Variants in MYLK observed in about 807,000 individuals in gnomAD.
MYLK encodes the protein myosin light chain kinase, smooth muscle.
Under a neutral mutation model 203.4 loss-of-function variants are expected in MYLK, and 106 were observed. That is an observed-to-expected ratio of 0.52 (90% CI 0.45 to 0.61). The LOEUF (loss-of-function observed/expected upper bound fraction) is 0.61, where lower values mean the gene tolerates loss of function less well. Ranked by LOEUF, MYLK falls within the 20% of genes least tolerant of loss-of-function variation. MYLK has a pLI of 0.00. For missense variants in MYLK, 2,072 were observed against 2,442.3 expected, an observed-to-expected ratio of 0.85 and a Z score of 3.20; for synonymous variants, 867 against 959.5, an observed-to-expected ratio of 0.90 and a Z score of 1.78.
chr3:123,715,137 T>A (rs2061848268), intron 13 of MYLK, among the ~76,000 whole-genome samples: 1 of 152,228 alleles, frequency 6.6e-6, no homozygotes, highest in South Asian at 2.1e-4. Context: ...TCCTTGCCAT[T>A]TTGGCTGTTT....
At chr3:123,623,419 T>G (rs1347427820) in intron 31 of MYLK, 1 of 152,230 alleles carries the variant, frequency 6.6e-6, no homozygotes, top group East Asian at 1.9e-4. Flanking sequence ...CCAACATATC[T>G]TTGTAAAATT....
intron 2 of MYLK, among the ~76,000 whole-genome samples, chr3:123,875,717 T>A (rs764794133): frequency 6.6e-6 from 1 of 152,136 alleles, no homozygotes; most frequent in Non-Finnish European, 1.5e-5. Flanking sequence ...TGATGCAGCA[T>A]TGAAAAGAAA....
At chr3:123,765,531 AAAAAAAAAAAAAG>A (rs966798568) in intron 4 of MYLK, among the ~76,000 whole-genome samples, 3 of 143,240 alleles carry the variant, frequency 2.1e-5, no homozygotes, top group African/African-American at 7.7e-5. Context: ...ATTCCACCTC[AAAAAAAAAAAAAG>A]AAAGGAAAAA....
In MYLK at chr3:123,675,023, G is replaced by C. The variant is rs183757755; in HGVS notation, c.3652+7201C>G. On this transcript the variant is annotated intron_variant, in intron 20 of 33. Transcript: ENST00000360304. ...CCTGATAAATGGCCATTAAAGGAAT[G>C]AGTGAAACCCTCAAGGATTTCTGTT... Among the ~76,000 whole-genome samples, 13 of 152,380 alleles carry C rather than the reference G, an allele frequency of 8.5e-5. No homozygotes were observed. In the East Asian group the frequency reaches 2.5e-3, roughly 29 times the overall value.
Position 123,627,127 on chromosome 3 carries a change from A to AC in MYLK, c.5115-187dup, listed in dbSNP as rs1436307986. Among the ~76,000 whole-genome samples, 4 of 152,340 alleles carry AC rather than the reference A, an allele frequency of 2.6e-5. No homozygotes were observed. In the East Asian group the frequency reaches 7.7e-4, roughly 29 times the overall value. The stretch of plus-strand genomic sequence containing the variant: ...CCTTTCTCCTCACTTGGTCTGGGTC[A>AC]CACTAACCAGAACCAGCATGGGTTG... On this transcript the variant is annotated intron_variant, in intron 30 of 33. Transcript: ENST00000360304.
chr3:123,684,848 G>T lies in MYLK; in HGVS notation c.3566-2538C>A, dbSNP rs1305556754. Among the ~76,000 whole-genome samples, 10 of 152,348 alleles carry T rather than the reference G, an allele frequency of 6.6e-5. No homozygotes were observed. In the East Asian group the frequency reaches 1.7e-3, roughly 26 times the overall value. On this transcript the variant is annotated intron_variant, in intron 19 of 33. Coordinates refer to ENST00000360304, the MANE Select transcript of MYLK (RefSeq NM_053025.4). ...ACGGCACCCGGCCCTTCTTAAGGAA[G>T]AGGAGTACAGGGCAGACTATGTATG...
At chr3:123,673,677 T>C (rs1471392971) in intron 20 of MYLK, among the ~76,000 whole-genome samples, 1 of 152,208 alleles carries the variant, frequency 6.6e-6, no homozygotes, top group East Asian at 1.9e-4. Flanking sequence ...GCTCACTAAC[T>C]AGTTTCCTCT....
Position 123,731,146 on chromosome 3 carries a change from T to C in MYLK, c.1516+1750A>G, listed in dbSNP as rs190401071. Among the ~76,000 whole-genome samples the C allele has an allele frequency of 4.6e-3, 693 of 152,294 alleles. 2 individuals are homozygous for C. The highest frequency in any genetic ancestry group is 6.6e-3 in the Non-Finnish European group (449 of 68,024). ...AGGGATAGAGACCTGGCCTGGATGA[T>C]GAGGCTTGATCTCCTAGACCTGTGA... On this transcript the variant is annotated intron_variant, in intron 11 of 33. Coordinates refer to ENST00000360304, the MANE Select transcript of MYLK (RefSeq NM_053025.4).
At chr3:123,707,198 C>T (rs371533545) in intron 16 of MYLK, among the ~76,000 whole-genome samples, 3 of 152,212 alleles carry the variant, frequency 2.0e-5, no homozygotes, top group East Asian at 1.9e-4. Context: ...GGCCTCCCAC[C>T]TACAACCAGT....
At chr3:123,878,499 C>A (rs1465493131) in intron 1 of MYLK, among the ~76,000 whole-genome samples, 2 of 152,182 alleles carry the variant, frequency 1.3e-5, no homozygotes, top group Non-Finnish European at 2.9e-5. Context: ...GACATTCACT[C>A]CTGCTCCCCA....
intron 1 of MYLK, among the ~76,000 whole-genome samples, chr3:123,879,695 C>T (rs765449227): frequency 3.2e-4 from 48 of 152,134 alleles, no homozygotes; most frequent in Non-Finnish European, 5.3e-4. Context: ...AGTGCAGTGG[C>T]GCCATCTTGG....
At chr3:123,781,121 G>A (rs1464884892) in intron 4 of MYLK, among the ~76,000 whole-genome samples, 2 of 152,222 alleles carry the variant, frequency 1.3e-5, no homozygotes, top group Non-Finnish European at 2.9e-5. Flanking sequence ...CTGGCAACTG[G>A]GAAGAGTGCT....
At chr3:123,769,143 C>T (rs2063795615) in intron 4 of MYLK, among the ~76,000 whole-genome samples, 1 of 152,138 alleles carries the variant, frequency 6.6e-6, no homozygotes, top group South Asian at 2.1e-4. Context: ...TTTCTCTCTG[C>T]CCTACACGAA....
At chr3:123,852,129 C>T (rs2030878944) in intron 2 of MYLK, among the ~76,000 whole-genome samples, 1 of 152,300 alleles carries the variant, frequency 6.6e-6, no homozygotes, top group African/African-American at 2.4e-5. Context: ...TTTTGATGTG[C>T]TGCTGGATTC....
chr3:123,737,678 A>C, intron 7 of MYLK, 135 bp from the exon 8 acceptor site: 2 of 1,187,448 alleles, frequency 1.7e-6, no homozygotes, highest in Non-Finnish European at 2.5e-6. Context: ...GGCCCTGTCA[A>C]TGTGCTCAGA....
chr3:123,657,572 C>T lies in MYLK; in HGVS notation c.3986-144G>A, dbSNP rs141738250. 4.2e-3 allele frequency: 3,236 copies of T among 769,394 alleles called. 38 individuals carry two copies. The highest frequency in any genetic ancestry group is 0.031 in the African/African-American group (1,821 of 57,908). 47.7% of individuals were successfully genotyped at this position (769,394 alleles called of 1,614,324 possible). On this transcript the variant is annotated intron_variant, in intron 23 of 33. Transcript: ENST00000360304. ...GTCCTGCGTCTCTTTCCCTCATCCG[C>T]ACATCACAGTTAGAGCTATGTACAA...
rs766516051 is a variant in MYLK at position 123,759,963 on chromosome 3, C to A, written c.166-7425G>T. Among the ~76,000 whole-genome samples the A allele has an allele frequency of 2.0e-5, 3 of 152,316 alleles. No individual in the cohort carries two copies. In the East Asian group the frequency reaches 5.8e-4, roughly 29 times the overall value. On this transcript the variant is annotated intron_variant, in intron 4 of 33. Transcript: ENST00000360304. Reference sequence around the variant, plus strand: ...AATACATATCTTTTGCTTAACCTAGCTGGAGTTTCTGTCACCTGCAAAAAA... The same window carrying A: ...AATACATATCTTTTGCTTAACCTAGATGGAGTTTCTGTCACCTGCAAAAAA...
chr3:123,773,942 A>C lies in MYLK; in HGVS notation c.165+19735T>G, dbSNP rs553130130. Among the ~76,000 whole-genome samples the C allele has an allele frequency of 2.2e-3, 332 of 152,272 alleles. 2 individuals are homozygous for C. The highest frequency in any genetic ancestry group is 3.7e-3 in the Non-Finnish European group (254 of 68,010). ...CAAACTCCTGGCTTAACTGGTTTTG[A>C]TCTTTGAGATGGAGCCCCAAGCTGG... is the stretch of plus-strand genomic sequence containing the variant. On this transcript the variant is annotated intron_variant, in intron 4 of 33. Coordinates refer to ENST00000360304, the MANE Select transcript of MYLK (RefSeq NM_053025.4).
rs938024095 is a variant in MYLK at position 123,699,750 on chromosome 3, G to A, written c.3448+270C>T. ...GAGAGGGCTCTGCCAGATGGGTGCC[G>A]AGATGTGGGCATGTGCCACAAGGAC... On this transcript the variant is annotated intron_variant, in intron 18 of 33. Transcript: ENST00000360304. Among the ~76,000 whole-genome samples, 11 of 152,346 alleles carry A rather than the reference G, an allele frequency of 7.2e-5. No individual in the cohort carries two copies. In the Middle Eastern group the frequency reaches 0.01, roughly 141 times the overall value.
Sources: gnomAD v4.1 joint callset for allele counts (sites outside exome capture counted in the v4.1 genomes callset) on GRCh38, gnomAD v4.1.1 for gene constraint, MANE v1.5 for transcripts, NCBI Gene and HGNC (gene_info 2026-07-23, HGNC 2026-07-21) for gene names.